The following GRID1 variants were observed in gnomAD, a reference collection of about 807,000 sequenced individuals.
GRID1 encodes the protein glutamate receptor ionotropic, delta-1.
Under a neutral mutation model 98.0 loss-of-function variants are expected in GRID1, and 28 were observed. The ratio of observed to expected loss-of-function variants is 0.29; its 90% CI spans 0.21 to 0.39. The LOEUF is 0.39. Ranked by LOEUF, GRID1 falls within the 10% of genes least tolerant of loss-of-function variation. The pLI is 1.00. For missense variants in GRID1, 1,111 were observed against 1,340.5 expected (o/e 0.83, Z 2.67); for synonymous variants, 553 against 538.5 (o/e 1.03, Z -0.37).
chr10:86,130,902 C>T (rs1210065050), intron 4 of GRID1, among the ~76,000 whole-genome samples: 1 of 152,146 alleles, frequency 6.6e-6, no homozygotes. Flanking sequence ...AGCCCAAAAG[C>T]GCTCACCCCA....
At chr10:85,778,813 G>C (rs1056778983) in intron 8 of GRID1, among the ~76,000 whole-genome samples, 4 of 152,212 alleles carry the variant, frequency 2.6e-5, no homozygotes, top group Non-Finnish European at 5.9e-5. Context: ...CCTATTTCCA[G>C]TCTGCCATGC....
intron 12 of GRID1, among the ~76,000 whole-genome samples, chr10:85,715,289 GA>G (rs1217753389): frequency 3.3e-5 from 5 of 152,176 alleles, no homozygotes; most frequent in South Asian, 2.1e-4. Context: ...ACTTCCAGAA[GA>G]AAAAAAGCTT....
At chr10:86,161,184 T>C (rs1357474957) in intron 3 of GRID1, among the ~76,000 whole-genome samples, 1 of 152,154 alleles carries the variant, frequency 6.6e-6, no homozygotes, top group Non-Finnish European at 1.5e-5. Context: ...GTGTGAGCCA[T>C]GCTTTTAGGA....
In GRID1 at chr10:86,366,784, G is replaced by A. The variant is rs1427339011; in HGVS notation, c.-392C>T. ...GCTGGCTGTGTGTCTGAGCCCCGGCGAGGAGCGAACTGCGGAGGACGCCCC... is the reference window on the plus strand; with the variant it reads ...GCTGGCTGTGTGTCTGAGCCCCGGCAAGGAGCGAACTGCGGAGGACGCCCC... On this transcript the variant is annotated 5_prime_UTR_variant, in exon 1 of 16. Coordinates refer to ENST00000327946, the MANE Select transcript of GRID1 (RefSeq NM_017551.3). This position sits in a 1 kb window ranked among gnomAD's most constrained non-coding sequence, Gnocchi z 4.1. 6.6e-6 allele frequency among the ~76,000 whole-genome samples: 1 copy of A among 150,532 alleles called. No homozygotes were observed. The highest frequency in any genetic ancestry group is 3.2e-3 in the Middle Eastern group (1 of 314).
At chr10:85,889,531 T>C (rs989700980) in intron 5 of GRID1, among the ~76,000 whole-genome samples, 1 of 152,246 alleles carries the variant, frequency 6.6e-6, no homozygotes, top group Non-Finnish European at 1.5e-5. Flanking sequence ...TTCTTATGGC[T>C]GAATAGTATT....
intron 3 of GRID1, among the ~76,000 whole-genome samples, chr10:86,182,131 C>T (rs1031010325): frequency 1.3e-5 from 2 of 152,196 alleles, no homozygotes; most frequent in Admixed American, 6.5e-5. Context: ...GCTGTGTGCT[C>T]GCCCTTCCAT....
chr10:85,800,641 A>G (rs1395421297), intron 8 of GRID1, among the ~76,000 whole-genome samples: 1 of 152,076 alleles, frequency 6.6e-6, no homozygotes, highest in Non-Finnish European at 1.5e-5. Flanking sequence ...AAGAATCTAT[A>G]AAGAGAGTAA....
At chr10:86,357,733 C>T (rs7910309) in intron 2 of GRID1, among the ~76,000 whole-genome samples, 26,384 of 152,110 alleles carry the variant, frequency 0.17, 2,636 homozygotes, top group East Asian at 0.5. Context: ...ACCCTGACAC[C>T]GTGAGTTCAG....
intron 4 of GRID1, among the ~76,000 whole-genome samples, chr10:85,954,340 T>A (rs1177291305): frequency 6.6e-6 from 1 of 152,254 alleles, no homozygotes; most frequent in African/African-American, 2.4e-5. Context: ...CCAGCAAGCA[T>A]GCCAAGTTAC....
chr10:85,636,053 T>A (rs1313802523), intron 13 of GRID1, among the ~76,000 whole-genome samples: 1 of 152,240 alleles, frequency 6.6e-6, no homozygotes, highest in East Asian at 1.9e-4. Context: ...ACAATAGACT[T>A]GATGCATAGG....
chr10:85,882,306 A>G (rs1168528010), intron 5 of GRID1, among the ~76,000 whole-genome samples: 2 of 152,204 alleles, frequency 1.3e-5, no homozygotes, highest in South Asian at 2.1e-4. Context: ...TCATGCTGCT[A>G]TAAAGACACA....
chr10:85,613,596 C>T lies in GRID1; in HGVS notation c.2412G>A (p.Trp804Ter). The T allele has an allele frequency of 6.2e-7, 1 of 1,614,186 alleles. No homozygotes were observed. Among genetic ancestry groups the T allele is most frequent in the Non-Finnish European group, 8.5e-7 (1 of 1,180,022 alleles). The change falls in exon 15 of 16, where the codon TGG becomes TGA. Residue 804 changes from tryptophan (W) to a stop codon, truncating the protein, a stop_gained. Transcript: ENST00000327946. LOFTEE classifies it high-confidence loss of function. Reference sequence around the variant, plus strand: ...GGTCACAGCGGCCCATGTGCGGCCACCACTTCTGCTTCAGCACATCCAGGT... The same window carrying T: ...GGTCACAGCGGCCCATGTGCGGCCATCACTTCTGCTTCAGCACATCCAGGT... ...TGDLDVLKQK[W>*]WPHMGRCDLT...
intron 3 of GRID1, among the ~76,000 whole-genome samples, chr10:86,175,942 C>T (rs1845570153): frequency 6.6e-6 from 1 of 152,176 alleles, no homozygotes; most frequent in Non-Finnish European, 1.5e-5. Context: ...CTGCCGGCTT[C>T]AGGTGATCTG....
intron 8 of GRID1, among the ~76,000 whole-genome samples, chr10:85,776,927 G>C (rs550613844): frequency 5.3e-5 from 8 of 152,342 alleles, no homozygotes; most frequent in African/African-American, 1.9e-4. Context: ...GCAGACCACA[G>C]TGAGAGGCTA....
chr10:85,715,742 T>G (rs1384020215), intron 12 of GRID1, among the ~76,000 whole-genome samples: 2 of 152,188 alleles, frequency 1.3e-5, no homozygotes, highest in African/African-American at 4.8e-5. Context: ...GAAAACAGTA[T>G]GGCAATTTCT....
chr10:85,904,431 C>A (rs929989629), intron 5 of GRID1, among the ~76,000 whole-genome samples: 2 of 152,010 alleles, frequency 1.3e-5, no homozygotes, highest in African/African-American at 4.8e-5. Flanking sequence ...AGGATATGGA[C>A]CCAAGAGAAT....
intron 2 of GRID1, among the ~76,000 whole-genome samples, chr10:86,313,592 T>C (rs1308850691): frequency 1.3e-5 from 2 of 152,188 alleles, no homozygotes; most frequent in South Asian, 2.1e-4. Flanking sequence ...TCTCCCTCTT[T>C]AGGCTCAGTT....
chr10:85,912,367 C>T (rs1314831572), intron 5 of GRID1, among the ~76,000 whole-genome samples: 1 of 152,228 alleles, frequency 6.6e-6, no homozygotes, highest in Non-Finnish European at 1.5e-5. Context: ...TGGTAGGACT[C>T]ACACTCACAA....
chr10:86,086,878 T>C (rs1844066901), intron 4 of GRID1, among the ~76,000 whole-genome samples: 1 of 152,200 alleles, frequency 6.6e-6, no homozygotes, highest in Non-Finnish European at 1.5e-5. Flanking sequence ...TTTTCACAGC[T>C]GTATGCCCAG....
Sources: gnomAD v4.1 joint callset for allele counts (sites outside exome capture counted in the v4.1 genomes callset) on GRCh38, gnomAD v4.1.1 for gene constraint, Gnocchi (gnomAD v3.1) non-coding constraint, MANE v1.5 for transcripts, NCBI Gene and HGNC (gene_info 2026-07-23, HGNC 2026-07-21) for gene names.